INSYN2A: variants seen among roughly 807,000 people sequenced by gnomAD.
INSYN2A encodes the protein inhibitory synaptic factor 2A.
In INSYN2A, 17 loss-of-function variants were observed where a neutral mutation model predicts 39.4. The ratio of observed to expected loss-of-function variants is 0.43; its 90% CI spans 0.30 to 0.65. The LOEUF (loss-of-function observed/expected upper bound fraction) is 0.65, where lower values mean the gene tolerates loss of function less well. Among genes scored for constraint, INSYN2A ranks in the 30% least tolerant of loss-of-function variants. INSYN2A has a pLI of 0.14. For missense variants in INSYN2A, 595 were observed against 631.2 expected, an observed-to-expected ratio of 0.94 and a Z score of 0.61; for synonymous variants, 255 against 265.7, an observed-to-expected ratio of 0.96 and a Z score of 0.39.
chr10:127,194,130 T>C (rs1422919988), intron 1 of INSYN2A, among the ~76,000 whole-genome samples: 1 of 152,236 alleles, frequency 6.6e-6, no homozygotes, highest in African/African-American at 2.4e-5. Flanking sequence ...TAAACTGAAT[T>C]GTTTAGTCTT....
At chr10:127,194,264 C>G (rs906403861) in intron 1 of INSYN2A, among the ~76,000 whole-genome samples, 6 of 152,186 alleles carry the variant, frequency 3.9e-5, no homozygotes, top group Non-Finnish European at 8.8e-5. Context: ...AAATGCGCCT[C>G]TAATAAAACC....
At chr10:127,163,590 A>G (rs1019579910) in intron 4 of INSYN2A, among the ~76,000 whole-genome samples, 1 of 152,104 alleles carries the variant, frequency 6.6e-6, no homozygotes, top group African/African-American at 2.4e-5. Flanking sequence ...AACTGATAAC[A>G]TGCCCTTTTG....
chr10:127,145,281 C>T (rs2051698124), intron 5 of INSYN2A, among the ~76,000 whole-genome samples: 1 of 152,116 alleles, frequency 6.6e-6, no homozygotes, highest in South Asian at 2.1e-4. Context: ...ATTGCCTCTG[C>T]CCATCGTAAG....
At chr10:127,195,354 G>A (rs1249992325) in intron 1 of INSYN2A, among the ~76,000 whole-genome samples, 1 of 152,134 alleles carries the variant, frequency 6.6e-6, no homozygotes, top group Non-Finnish European at 1.5e-5. Flanking sequence ...GGTCTGACTC[G>A]GGCTGCCAGG....
At chr10:127,147,032 G>T (rs2051934371) in intron 5 of INSYN2A, among the ~76,000 whole-genome samples, 1 of 152,220 alleles carries the variant, frequency 6.6e-6, no homozygotes, top group East Asian at 1.9e-4. Context: ...TGGTCTTATT[G>T]GTGTTGTAAT....
In INSYN2A at chr10:127,196,431, C is replaced by G. The variant is rs2057156370; in HGVS notation, c.-829G>C. ...TTCGGCGAGATCTCAGAGCCAGGGC[C>G]AGGAGGCGGGGGCGGGGCAGAGGAG... On this transcript the variant is annotated 5_prime_UTR_variant, in exon 1 of 6. Transcript: ENST00000522781. Among the ~76,000 whole-genome samples, 1 of 148,636 alleles carries G rather than the reference C, an allele frequency of 6.7e-6. No individual in the cohort carries two copies. Among genetic ancestry groups the G allele is most frequent in the African/African-American group, 2.4e-5 (1 of 41,106 alleles).
intron 5 of INSYN2A, among the ~76,000 whole-genome samples, chr10:127,139,476 A>C (rs1415408509): frequency 6.6e-6 from 1 of 151,870 alleles, no homozygotes; most frequent in Admixed American, 6.6e-5. Flanking sequence ...TTTTTCGAAG[A>C]GCCTCTTTGA....
chr10:127,195,053 T>A (rs1004905864), intron 1 of INSYN2A, among the ~76,000 whole-genome samples: 9 of 152,244 alleles, frequency 5.9e-5, no homozygotes, highest in African/African-American at 2.2e-4. Context: ...GAGGCACCTC[T>A]CCTCCCCCAC....
intron 5 of INSYN2A, among the ~76,000 whole-genome samples, chr10:127,152,713 G>A (rs1022770873): frequency 2.0e-5 from 3 of 152,218 alleles, no homozygotes; most frequent in Non-Finnish European, 1.5e-5. Flanking sequence ...AACTGAAAAC[G>A]TCTCCTTCCA....
At chr10:127,181,278 AG>A (rs2055709784) in intron 2 of INSYN2A, among the ~76,000 whole-genome samples, 1 of 152,252 alleles carries the variant, frequency 6.6e-6, no homozygotes, top group African/African-American at 2.4e-5. Flanking sequence ...ACTGTAAGGA[AG>A]GAAGTTAGCA....
At chr10:127,167,872 G>A (rs531211409) in intron 4 of INSYN2A, among the ~76,000 whole-genome samples, 15 of 152,134 alleles carry the variant, frequency 9.9e-5, no homozygotes, top group South Asian at 6.2e-4. Flanking sequence ...TCTCTTCCCT[G>A]TGTTCAAGCT....
At chr10:127,169,121 G>C (rs1254403544) in intron 4 of INSYN2A, among the ~76,000 whole-genome samples, 2 of 152,158 alleles carry the variant, frequency 1.3e-5, no homozygotes, top group East Asian at 3.9e-4. Flanking sequence ...GCTGCTGGGA[G>C]AATGAGACCT....
chr10:127,180,797 T>C (rs1032518602), intron 2 of INSYN2A, among the ~76,000 whole-genome samples: 8 of 152,180 alleles, frequency 5.3e-5, no homozygotes, highest in Non-Finnish European at 1.0e-4. Context: ...TTATTTAGTA[T>C]CATAGAAAAA....
At chr10:127,192,033 A>G (rs2056790251) in intron 2 of INSYN2A, among the ~76,000 whole-genome samples, 1 of 152,268 alleles carries the variant, frequency 6.6e-6, no homozygotes, top group South Asian at 2.1e-4. Flanking sequence ...GTAGAATATA[A>G]ACTTCAACAA....
intron 5 of INSYN2A, among the ~76,000 whole-genome samples, chr10:127,139,463 C>G (rs1304884444): frequency 6.6e-6 from 1 of 152,074 alleles, no homozygotes; most frequent in African/African-American, 2.4e-5. Flanking sequence ...TATCCTTTTC[C>G]CTTTTTTCGA....
chr10:127,174,385 T>G (rs1351142084), intron 4 of INSYN2A, among the ~76,000 whole-genome samples: 1 of 152,188 alleles, frequency 6.6e-6, no homozygotes, highest in African/African-American at 2.4e-5. Context: ...TTGTATCAGC[T>G]GAGCACATGC....
intron 5 of INSYN2A, among the ~76,000 whole-genome samples, chr10:127,143,848 T>C (rs1020736204): frequency 1.3e-5 from 2 of 152,152 alleles, no homozygotes; most frequent in Non-Finnish European, 2.9e-5. Flanking sequence ...TTTGTTGTTC[T>C]CTTCTGAACA....
At chr10:127,160,543 G>A (rs1328703461) in intron 4 of INSYN2A, among the ~76,000 whole-genome samples, 1 of 152,194 alleles carries the variant, frequency 6.6e-6, no homozygotes, top group Non-Finnish European at 1.5e-5. Flanking sequence ...TTAATTTTCA[G>A]CCAGTTCAGA....
chr10:127,193,308 G>T (rs1274199592), intron 1 of INSYN2A, among the ~76,000 whole-genome samples: 3 of 152,092 alleles, frequency 2.0e-5, no homozygotes, highest in African/African-American at 7.2e-5. Flanking sequence ...ACGGTGGTTT[G>T]CCTCAAGTAT....
Sources: allele counts gnomAD v4.1 joint callset (sites outside exome capture counted in the v4.1 genomes callset), GRCh38; gene constraint gnomAD v4.1.1; transcripts MANE v1.5; gene names NCBI Gene and HGNC (gene_info 2026-07-23, HGNC 2026-07-21).